ST7: variants seen among roughly 807,000 people sequenced by gnomAD.
ST7 encodes the protein suppression of tumorigenicity 7.
In ST7, 28 loss-of-function variants were observed where a neutral mutation model predicts 78.7. The observed-to-expected ratio is 0.36, with a 90% confidence interval of 0.26 to 0.49. The LOEUF is 0.49. Among genes scored for constraint, ST7 ranks in the 20% least tolerant of loss-of-function variants. The pLI, the probability that ST7 is intolerant of heterozygous loss-of-function variation, is 0.99. For missense variants in ST7, 418 were observed against 696.0 expected, an observed-to-expected ratio of 0.60 and a Z score of 4.49; for synonymous variants, 247 against 249.6, an observed-to-expected ratio of 0.99 and a Z score of 0.10.
chr7:117,208,902 G>GGTGTGTGTGTGTGTGTGTGT (rs58017025), intron 12 of ST7, among the ~76,000 whole-genome samples: 2 of 139,800 alleles, frequency 1.4e-5, no homozygotes, highest in African/African-American at 5.4e-5. Flanking sequence ...TGTATGTGTG[G>GGTGTGTGTGTGTGTGTGTGT]GTGTGTGTGT....
chr7:116,960,930 G>C (rs901608784), intron 1 of ST7, among the ~76,000 whole-genome samples: 1 of 152,102 alleles, frequency 6.6e-6, no homozygotes, highest in African/African-American at 2.4e-5. Context: ...AGGTTGTGTT[G>C]CAGGGTTTTT....
chr7:117,173,352 C>G (rs1808137786), intron 10 of ST7: 1 of 152,212 alleles, frequency 6.6e-6, no homozygotes, highest in African/African-American at 2.4e-5. Context: ...GCTGACTTGG[C>G]TCAGGCCTGT....
intron 1 of ST7, among the ~76,000 whole-genome samples, chr7:116,991,324 T>C (rs915508950): frequency 2.6e-5 from 4 of 152,132 alleles, no homozygotes; most frequent in Non-Finnish European, 5.9e-5. Flanking sequence ...TCTGTTTTCA[T>C]GCTACTGATA....
intron 1 of ST7, among the ~76,000 whole-genome samples, chr7:117,022,488 G>A (rs1795974849): frequency 6.6e-6 from 1 of 152,164 alleles, no homozygotes; most frequent in Non-Finnish European, 1.5e-5. Context: ...GTTAGGACAA[G>A]TGTATTTTCT....
chr7:117,086,056 C>G (rs1800120083), intron 1 of ST7, among the ~76,000 whole-genome samples: 1 of 152,040 alleles, frequency 6.6e-6, no homozygotes, highest in Admixed American at 6.5e-5. Context: ...CCCTTGTTTT[C>G]TTTTCCTTTC....
chr7:117,126,854 A>G (rs1563102659), intron 3 of ST7, among the ~76,000 whole-genome samples: 1 of 151,850 alleles, frequency 6.6e-6, no homozygotes, highest in Non-Finnish European at 1.5e-5. Flanking sequence ...CAAAGTAGGG[A>G]ATCTCTTCCG....
intron 1 of ST7, among the ~76,000 whole-genome samples, chr7:117,085,372 C>T (rs1218796376): frequency 6.6e-6 from 1 of 152,122 alleles, no homozygotes; most frequent in African/African-American, 2.4e-5. Context: ...TTAATGGTTT[C>T]TGTGTTTTGT....
intron 1 of ST7, among the ~76,000 whole-genome samples, chr7:117,007,136 C>CAT (rs1795189585): frequency 6.6e-6 from 1 of 152,146 alleles, no homozygotes; most frequent in Non-Finnish European, 1.5e-5. Flanking sequence ...AGCTTAATGA[C>CAT]GAAGGCATGT....
chr7:117,130,422 A>G (rs1286733313), intron 4 of ST7, 69 bp from the exon 5 acceptor site: 9 of 1,135,632 alleles, frequency 7.9e-6, no homozygotes, highest in Middle Eastern at 2.1e-4. Context: ...ACGCCTCTGC[A>G]GCTTAATATT....
intron 12 of ST7, chr7:117,191,868 G>GT (rs1294669639): frequency 1.3e-5 from 2 of 152,120 alleles, no homozygotes; most frequent in Admixed American, 1.3e-4. Context: ...TAGCAAAAGG[G>GT]TGGGGGGGTA....
intron 1 of ST7, among the ~76,000 whole-genome samples, chr7:117,092,003 T>G (rs905808954): frequency 3.9e-5 from 6 of 152,146 alleles, no homozygotes; most frequent in African/African-American, 1.4e-4. Flanking sequence ...GTGGTCCACG[T>G]GGCCACTTCA....
chr7:117,025,157 G>A (rs528095087), intron 1 of ST7, among the ~76,000 whole-genome samples: 13 of 152,306 alleles, frequency 8.5e-5, no homozygotes, highest in Non-Finnish European at 1.8e-4. Flanking sequence ...TCAGGCCATT[G>A]TTGGTAACTG....
At chr7:117,058,207 A>G (rs985725314) in intron 1 of ST7, among the ~76,000 whole-genome samples, 1 of 152,208 alleles carries the variant, frequency 6.6e-6, no homozygotes, top group African/African-American at 2.4e-5. Flanking sequence ...CAGGTTATCT[A>G]TCTAAATAAG....
At chr7:117,004,034 A>C (rs1795053856) in intron 1 of ST7, among the ~76,000 whole-genome samples, 1 of 152,200 alleles carries the variant, frequency 6.6e-6, no homozygotes, top group South Asian at 2.1e-4. Context: ...ATTTTATGGT[A>C]TCCCATTAAA....
At chr7:116,967,541 T>A (rs1229395053) in intron 1 of ST7, 3 of 371,908 alleles carry the variant, frequency 8.1e-6, no homozygotes, top group South Asian at 6.0e-5. Flanking sequence ...TTTCCATTCT[T>A]GAATTACTGA....
intron 15 of ST7, 30 bp downstream of exon 15, chr7:117,222,092 G>A: frequency 6.3e-7 from 1 of 1,582,218 alleles, no homozygotes. Flanking sequence ...GAGGCCTTGG[G>A]GAATGGATGG....
intron 2 of ST7, among the ~76,000 whole-genome samples, chr7:117,108,529 C>A (rs1459806554): frequency 6.6e-6 from 1 of 152,104 alleles, no homozygotes; most frequent in Non-Finnish European, 1.5e-5. Flanking sequence ...TAATGTGAAT[C>A]TCCAGATTTG....
chr7:116,973,776 ATTATGT>A (rs1204711041), intron 1 of ST7, among the ~76,000 whole-genome samples: 2 of 152,214 alleles, frequency 1.3e-5, no homozygotes, highest in African/African-American at 4.8e-5. Flanking sequence ...ATTATCAAAC[ATTATGT>A]TTATGAGATC....
At chr7:117,141,534 C>CA (rs1248854374) in intron 9 of ST7, among the ~76,000 whole-genome samples, 13 of 152,124 alleles carry the variant, frequency 8.5e-5, no homozygotes, top group East Asian at 1.9e-4. Context: ...GGATGTTTTT[C>CA]AAAAAAACTC....
Sources: allele counts gnomAD v4.1 joint callset (sites outside exome capture counted in the v4.1 genomes callset), GRCh38; gene constraint gnomAD v4.1.1; transcripts MANE v1.5; gene names NCBI Gene and HGNC (gene_info 2026-07-23, HGNC 2026-07-21).